PRKN: variants seen among roughly 807,000 people sequenced by gnomAD.
PRKN encodes the protein parkin RBR E3 ubiquitin protein ligase.
Under a neutral mutation model 59.5 loss-of-function variants are expected in PRKN, and 56 were observed. The ratio of observed to expected loss-of-function variants is 0.94; its 90% CI spans 0.76 to 1.18. PRKN has a LOEUF of 1.18. Among genes scored for constraint, PRKN ranks in the 50% most tolerant of loss-of-function variants. The probability of loss-of-function intolerance (pLI) is 0.00; values close to 1 mark genes in which losing one functional copy is unlikely to be tolerated. For missense variants in PRKN, 657 were observed against 596.4 expected, an observed-to-expected ratio of 1.10 and a Z score of -1.06; for synonymous variants, 250 against 222.1, an observed-to-expected ratio of 1.13 and a Z score of -1.12.
chr6:161,869,288 A>T (rs1381080608), intron 6 of PRKN, among the ~76,000 whole-genome samples: 5 of 152,134 alleles, frequency 3.3e-5, no homozygotes, highest in Admixed American at 2.6e-4. Flanking sequence ...CTGAGGCAGG[A>T]GAATTGCTGG....
At chr6:162,659,804 T>C (rs894759110) in intron 1 of PRKN, among the ~76,000 whole-genome samples, 1 of 152,204 alleles carries the variant, frequency 6.6e-6, no homozygotes, top group Non-Finnish European at 1.5e-5. Flanking sequence ...AAAAGTAATA[T>C]ACTTTCGTAA....
chr6:161,984,976 A>C (rs545857525), intron 5 of PRKN, among the ~76,000 whole-genome samples: 3 of 152,230 alleles, frequency 2.0e-5, no homozygotes, highest in South Asian at 2.1e-4. Context: ...TCGGGATTAC[A>C]CACAACACAG....
At chr6:162,443,147 T>G (rs1790140880) in intron 2 of PRKN, among the ~76,000 whole-genome samples, 163 bp downstream of exon 2, 2 of 152,098 alleles carry the variant, frequency 1.3e-5, no homozygotes, top group South Asian at 4.1e-4. Flanking sequence ...AATGCATAAT[T>G]AAGAAGGTCA....
intron 2 of PRKN, among the ~76,000 whole-genome samples, chr6:162,431,903 C>T (rs12215312): frequency 0.28 from 42,509 of 151,924 alleles, 6,300 homozygotes; most frequent in African/African-American, 0.38. Flanking sequence ...GAATTTATTG[C>T]CATTTTCAAA....
intron 7 of PRKN, among the ~76,000 whole-genome samples, chr6:161,684,375 C>T (rs143403735): frequency 5.3e-5 from 8 of 152,116 alleles, no homozygotes; most frequent in Admixed American, 2.0e-4. Context: ...AGTTACCCAC[C>T]GTGCCCAATC....
At chr6:161,805,332 A>T (rs1365859292) in intron 6 of PRKN, among the ~76,000 whole-genome samples, 6 of 152,032 alleles carry the variant, frequency 3.9e-5, no homozygotes, top group Admixed American at 3.9e-4. Context: ...TCCAATATCC[A>T]TCCTCACAGA....
chr6:161,907,525 T>C (rs950839084), intron 6 of PRKN, among the ~76,000 whole-genome samples: 1 of 152,220 alleles, frequency 6.6e-6, no homozygotes, highest in Non-Finnish European at 1.5e-5. Context: ...TATTCTAACT[T>C]GTCTTATTTA....
At chr6:161,522,019 G>A (rs1583185130) in intron 9 of PRKN, among the ~76,000 whole-genome samples, 1 of 152,278 alleles carries the variant, frequency 6.6e-6, no homozygotes, top group East Asian at 1.9e-4. Flanking sequence ...CTCTGTTGGG[G>A]CTGGGAGGGG....
chr6:162,104,782 G>A (rs1429891341), intron 4 of PRKN, among the ~76,000 whole-genome samples: 2 of 151,996 alleles, frequency 1.3e-5, no homozygotes, highest in African/African-American at 4.8e-5. Context: ...GGAGGAAAAC[G>A]ACAAAAATAT....
intron 2 of PRKN, among the ~76,000 whole-genome samples, chr6:162,397,048 G>GGTCA (rs1787512476): frequency 6.6e-6 from 1 of 152,024 alleles, no homozygotes. Context: ...GCGCAATAAG[G>GGTCA]GTCACTCCTA....
rs890135433 is a variant in PRKN, at chr6:161,549,510, A to C, written c.934-507T>G. 2.0e-5 allele frequency among the ~76,000 whole-genome samples: 3 copies of C among 152,186 alleles called. No homozygotes were observed. Among genetic ancestry groups the C allele is most frequent in the Non-Finnish European group, 4.4e-5 (3 of 68,036 alleles). On this transcript the variant is annotated intron_variant, in intron 8 of 11. Transcript: ENST00000366898. The surrounding 1 kb of genome is among the most constrained non-coding windows in gnomAD (Gnocchi z 6.0). ...CCTCATAATATTGGCAGCCCACACA[A>C]TATCAATGAGCTAGAAGAAGACTAA...
chr6:162,528,323 GA>G (rs35973128), intron 1 of PRKN, among the ~76,000 whole-genome samples: 1,918 of 135,688 alleles, frequency 0.014, 37 homozygotes, highest in African/African-American at 0.044. Flanking sequence ...CGTCTCAAAA[GA>G]AAAAAAAAAA....
intron 1 of PRKN, among the ~76,000 whole-genome samples, chr6:162,655,194 T>C (rs549316658): frequency 1.3e-5 from 2 of 152,302 alleles, no homozygotes; most frequent in East Asian, 3.9e-4. Flanking sequence ...ATGCTTTAAA[T>C]ATATTATCAC....
At chr6:162,514,045 C>CAAAAAAAAAAAAA (rs368597218) in intron 1 of PRKN, among the ~76,000 whole-genome samples, 1 of 144,368 alleles carries the variant, frequency 6.9e-6, no homozygotes, top group Non-Finnish European at 1.5e-5. Flanking sequence ...GACTCCATCT[C>CAAAAAAAAAAAAA]AAAAAAAAAG....
intron 1 of PRKN, among the ~76,000 whole-genome samples, chr6:162,670,752 G>T (rs950633953): frequency 6.6e-6 from 1 of 152,150 alleles, no homozygotes; most frequent in Non-Finnish European, 1.5e-5. Flanking sequence ...GGGGAAAAAT[G>T]TAAGATTAAA....
intron 9 of PRKN, among the ~76,000 whole-genome samples, chr6:161,464,428 A>C (rs997068733): frequency 3.9e-5 from 6 of 152,210 alleles, no homozygotes; most frequent in African/African-American, 1.4e-4. Context: ...TTTTTAAAGA[A>C]ACTTCATCTA....
At chr6:161,743,386 TTTTA>T (rs372492770) in intron 7 of PRKN, among the ~76,000 whole-genome samples, 155 of 140,288 alleles carry the variant, frequency 1.1e-3, no homozygotes, top group South Asian at 9.6e-3. Context: ...CATCCAGCTT[TTTTA>T]TTTATTTATT....
intron 2 of PRKN, among the ~76,000 whole-genome samples, chr6:162,411,224 C>G (rs1788340493): frequency 6.6e-6 from 1 of 152,106 alleles, no homozygotes. Flanking sequence ...AAATGGATTT[C>G]AAGACAAGCA....
chr6:162,680,664 A>G (rs930510977), intron 1 of PRKN, among the ~76,000 whole-genome samples: 1 of 151,976 alleles, frequency 6.6e-6, no homozygotes, highest in Admixed American at 6.6e-5. Context: ...AATTTTTTTT[A>G]AAAACTAAAA....
Sources: allele counts gnomAD v4.1 joint callset (sites outside exome capture counted in the v4.1 genomes callset), GRCh38; gene constraint gnomAD v4.1.1; non-coding constraint Gnocchi (gnomAD v3.1); transcripts MANE v1.5; gene names NCBI Gene and HGNC (gene_info 2026-07-23, HGNC 2026-07-21).